LPP: variants seen among roughly 807,000 people sequenced by gnomAD.
LPP encodes lipoma-preferred partner.
LPP carries 38 observed loss-of-function variants against 60.4 expected under a neutral mutation model. The ratio of observed to expected loss-of-function variants is 0.63; its 90% confidence interval spans 0.49 to 0.83. The LOEUF (loss-of-function observed/expected upper bound fraction) is 0.83. Ranked by LOEUF, LPP falls within the 40% of genes least tolerant of loss-of-function variation. The pLI, the probability that LPP is intolerant of heterozygous loss-of-function variation, is 0.00. For synonymous variants in LPP, 328 were observed against 290.8 expected, an observed-to-expected ratio of 1.13 and a Z score of -1.30; for missense variants, 902 against 783.6, an observed-to-expected ratio of 1.15 and a Z score of -1.80.
intron 1 of LPP, among the ~76,000 whole-genome samples, chr3:188,170,135 A>G (rs948050080): frequency 3.9e-5 from 6 of 152,192 alleles, no homozygotes; most frequent in African/African-American, 1.4e-4. Flanking sequence ...ATGGAGAGGT[A>G]AGAGGCAATG....
intron 6 of LPP, among the ~76,000 whole-genome samples, chr3:188,560,527 C>A (rs937690579): frequency 1.3e-5 from 2 of 152,106 alleles, no homozygotes; most frequent in Non-Finnish European, 2.9e-5. Context: ...CTCAGATAAA[C>A]CTACTCTTTG....
intron 3 of LPP, among the ~76,000 whole-genome samples, chr3:188,365,467 A>G (rs1770847763): frequency 6.6e-6 from 1 of 152,208 alleles, no homozygotes; most frequent in Non-Finnish European, 1.5e-5. Flanking sequence ...ATGAGGCACC[A>G]TAATGTGTGT....
At chr3:188,191,896 A>G (rs1728276131) in intron 1 of LPP, among the ~76,000 whole-genome samples, 2 of 152,206 alleles carry the variant, frequency 1.3e-5, no homozygotes, top group African/African-American at 2.4e-5. Context: ...TTAAATATGT[A>G]TAACACTGTA....
At chr3:188,692,800 C>T (rs1862411648) in intron 7 of LPP, among the ~76,000 whole-genome samples, 1 of 152,204 alleles carries the variant, frequency 6.6e-6, no homozygotes, top group Non-Finnish European at 1.5e-5. Flanking sequence ...TAGGTTGCAT[C>T]TTGCAAGAGA....
intron 6 of LPP, among the ~76,000 whole-genome samples, chr3:188,545,489 A>C (rs1248514337): frequency 6.6e-6 from 1 of 151,918 alleles, no homozygotes; most frequent in Non-Finnish European, 1.5e-5. Context: ...AGTAATGTCT[A>C]CCTTACTCAC....
intron 1 of LPP, among the ~76,000 whole-genome samples, chr3:188,207,212 C>CTTTTTT (rs5855184): frequency 3.9e-5 from 5 of 129,322 alleles, no homozygotes; most frequent in Admixed American, 8.1e-5. Context: ...TACACATTTT[C>CTTTTTT]TTTTTTTTTT....
chr3:188,398,105 G>A (rs1178181852), intron 3 of LPP, among the ~76,000 whole-genome samples: 1 of 152,162 alleles, frequency 6.6e-6, no homozygotes, highest in Admixed American at 6.5e-5. Context: ...AGGCAGATGG[G>A]CATTTAATGT....
At chr3:188,387,348 C>G (rs1245055460) in intron 3 of LPP, among the ~76,000 whole-genome samples, 1 of 152,068 alleles carries the variant, frequency 6.6e-6, no homozygotes, top group Admixed American at 6.5e-5. Flanking sequence ...CTGTGTATCT[C>G]TTGACATCAT....
chr3:188,264,352 C>G (rs1041383939), intron 2 of LPP, among the ~76,000 whole-genome samples: 2 of 151,178 alleles, frequency 1.3e-5, no homozygotes, highest in African/African-American at 4.9e-5. Flanking sequence ...CATCTGAGGG[C>G]AAATAACCAC....
intron 9 of LPP, among the ~76,000 whole-genome samples, chr3:188,779,031 G>A (rs1456780759): frequency 6.6e-6 from 1 of 151,916 alleles, no homozygotes. Context: ...TATTTCAAAT[G>A]CTTCACAATT....
At chr3:188,472,617 TCA>T (rs1802124808) in intron 4 of LPP, 1 of 152,114 alleles carries the variant, frequency 6.6e-6, no homozygotes, top group Non-Finnish European at 1.5e-5. Context: ...ACTGGATAAA[TCA>T]CAGAAGGCCC....
chr3:188,714,900 A>G (rs543377527), intron 8 of LPP, among the ~76,000 whole-genome samples: 1 of 152,292 alleles, frequency 6.6e-6, no homozygotes, highest in South Asian at 2.1e-4. Context: ...GAGGAAAGGG[A>G]GGAAACATAG....
rs59987046 is a variant in LPP at position 188,401,728 on chromosome 3, C to G, written c.-9-4384C>G. Among the ~76,000 whole-genome samples the G allele has an allele frequency of 3.5e-3, 535 of 152,258 alleles. 4 individuals carry two copies. Among genetic ancestry groups the G allele is most frequent in the African/African-American group, 0.013 (525 of 41,544 alleles). On this transcript the variant is annotated intron_variant, in intron 3 of 11. Transcript: ENST00000617246. ...TGGAATTATAAAATGATAAATATTT[C>G]CACTCTCAAGGATTTGCGAGTTTAG...
intron 1 of LPP, among the ~76,000 whole-genome samples, chr3:188,203,039 T>G (rs1002410845): frequency 1.5e-4 from 22 of 146,566 alleles, no homozygotes; most frequent in Non-Finnish European, 3.0e-4. Flanking sequence ...AATTTATATG[T>G]TTTTTATTTA....
At chr3:188,281,601 C>CAA (rs1167297915) in intron 2 of LPP, among the ~76,000 whole-genome samples, 35,455 of 66,356 alleles carry the variant, frequency 0.53, 8,820 homozygotes, top group Middle Eastern at 0.59. Context: ...AAGACTCTAC[C>CAA]AAAAAAAAAA....
intron 7 of LPP, among the ~76,000 whole-genome samples, chr3:188,615,648 G>A (rs1844699556): frequency 6.6e-6 from 1 of 152,156 alleles, no homozygotes; most frequent in Non-Finnish European, 1.5e-5. Flanking sequence ...TAGTGTTTAA[G>A]ACATTGTACA....
chr3:188,312,537 T>C (rs1332052251), intron 2 of LPP, among the ~76,000 whole-genome samples: 2 of 152,228 alleles, frequency 1.3e-5, no homozygotes, highest in African/African-American at 4.8e-5. Flanking sequence ...TTCCCCACTT[T>C]GTGATATTTA....
At chr3:188,470,307 C>T (rs35996556) in intron 4 of LPP, among the ~76,000 whole-genome samples, 24,199 of 128,716 alleles carry the variant, frequency 0.19, 2,257 homozygotes, top group East Asian at 0.28. Context: ...CACACACACA[C>T]ACACACACAC....
chr3:188,240,253 A>C (rs551868242), intron 2 of LPP: 1 of 173,580 alleles, frequency 5.8e-6, no homozygotes, highest in African/African-American at 2.4e-5. Context: ...TTTAAGCCAA[A>C]AAGTAGTGAG....
Sources: allele counts gnomAD v4.1 joint callset (sites outside exome capture counted in the v4.1 genomes callset), GRCh38; gene constraint gnomAD v4.1.1; transcripts MANE v1.5; gene names NCBI Gene and HGNC (gene_info 2026-07-23, HGNC 2026-07-21).